The following NCF1 variants were observed in gnomAD, a reference collection of about 807,000 sequenced individuals.
NCF1 encodes neutrophil cytosol factor 1.
NCF1 carries 8 observed loss-of-function variants against 34.9 expected under a neutral mutation model. That is an observed-to-expected ratio of 0.23 (90% CI 0.13 to 0.41). The LOEUF is 0.41. NCF1 is among the 10% of genes least tolerant of loss of function. The probability of loss-of-function intolerance (pLI) is 1.00; values close to 1 mark genes in which losing one functional copy is unlikely to be tolerated. For missense variants in NCF1, 122 were observed against 362.4 expected, an observed-to-expected ratio of 0.34 and a Z score of 5.39; for synonymous variants, 57 against 146.3, an observed-to-expected ratio of 0.39 and a Z score of 4.41.
rs781849042 is a variant in NCF1, at chr7:74,783,145, C to G, written c.574+84C>G. On this transcript the variant is annotated intron_variant, in intron 6 of 10. Coordinates refer to ENST00000289473, the MANE Select transcript of NCF1 (RefSeq NM_000265.7). Reference sequence around the variant, plus strand: ...AGCCCCCTGCCAAGGCTCAGGCAGCCTTGCCCCTGGGAGGACTCCGGCTCT... The same window carrying G: ...AGCCCCCTGCCAAGGCTCAGGCAGCGTTGCCCCTGGGAGGACTCCGGCTCT... 63 of 1,578,996 alleles carry G rather than the reference C, an allele frequency of 4.0e-5. 1 individual carries two copies. The South Asian group carries it at 6.9e-4, about 17-fold the overall frequency.
chr7:74,776,992 G>A (rs1796480082), intron 1 of NCF1: 2 of 351,392 alleles, frequency 5.7e-6, no homozygotes, highest in Admixed American at 8.3e-5. Context: ...GATTCCAGGT[G>A]TGAGCCACCG....
intron 8 of NCF1, among the ~76,000 whole-genome samples, chr7:74,787,645 T>C (rs1428941925): frequency 6.6e-6 from 1 of 150,860 alleles, no homozygotes; most frequent in East Asian, 2.0e-4. Flanking sequence ...CTCCAACTCC[T>C]GGCCTCAAGC....
chr7:74,785,405 A>G, intron 8 of NCF1, 106 bp downstream of exon 8: 1 of 589,516 alleles, frequency 1.7e-6, no homozygotes. Flanking sequence ...TGGGTAAGCC[A>G]CTGCCCCTCT....
At chr7:74,788,372 C>G in intron 9 of NCF1, 187 bp from the exon 10 acceptor site, 1 of 437,324 alleles carries the variant, frequency 2.3e-6, no homozygotes, top group Non-Finnish European at 3.8e-6. Context: ...CGTGGAAAAC[C>G]GCCCAGGCTC....
intron 4 of NCF1, 119 bp downstream of exon 4, chr7:74,779,541 GC>G: frequency 1.1e-6 from 1 of 920,192 alleles, no homozygotes; most frequent in Non-Finnish European, 1.5e-6. Context: ...GAGCCACACA[GC>G]CAGAAAGAGG....
intron 5 of NCF1, chr7:74,781,662 A>G (rs1187985846): frequency 6.7e-6 from 1 of 148,876 alleles, no homozygotes; most frequent in African/African-American, 2.5e-5. Context: ...CCTCCCAAGT[A>G]GCTGGGATTA....
intron 6 of NCF1, chr7:74,783,308 C>T (rs782546882): frequency 5.2e-6 from 4 of 764,810 alleles, no homozygotes; most frequent in South Asian, 3.0e-5. Flanking sequence ...GGGTATGGGA[C>T]CGTCTGTTCA....
intron 10 of NCF1, among the ~76,000 whole-genome samples, 167 bp downstream of exon 10, chr7:74,788,871 C>T (rs1312816539): frequency 6.9e-6 from 1 of 144,710 alleles, no homozygotes; most frequent in Non-Finnish European, 1.5e-5. Flanking sequence ...CGCTAGGGGG[C>T]GGAGCGATCC....
intron 8 of NCF1, among the ~76,000 whole-genome samples, chr7:74,787,442 G>C (rs1796694220): frequency 6.6e-6 from 1 of 152,108 alleles, no homozygotes; most frequent in African/African-American, 2.4e-5. Flanking sequence ...CTCTGTCTTG[G>C]GGTTGGGCGG....
Position 74,783,061 on chromosome 7 carries a change from G to A in NCF1, c.574G>A (p.Gly192Ser), listed in dbSNP as rs119103273. 27 of 1,611,262 alleles carry A rather than the reference G, an allele frequency of 1.7e-5. No individual in the cohort carries two copies. The highest frequency in any genetic ancestry group is 3.3e-5 in the South Asian group (3 of 90,946). Reference sequence around the variant, plus strand: ...GGAGGTCGTAGAGAAGAGCGAGAGCGGTCAGACCTCCCACCTTACGGGGCT... The same window carrying A: ...GGAGGTCGTAGAGAAGAGCGAGAGCAGTCAGACCTCCCACCTTACGGGGCT... ...VVEVVEKSES[G>S]WWFCQMKAKR... Residue 192 changes from glycine (G) to serine (S), a missense_variant and splice_region_variant, in exon 6 of 11, where the codon GGT (glycine) becomes AGT (serine). Gly to Ser is a moderately conservative substitution (Grantham distance 56). Around this residue, in one of 9 missense-constraint regions of NCF1, gnomAD observed 57 missense variants for 89.3 expected, o/e 0.64. Coordinates refer to ENST00000289473, the MANE Select transcript of NCF1 (RefSeq NM_000265.7).
At chr7:74,787,030 T>C (rs1796686119) in intron 8 of NCF1, among the ~76,000 whole-genome samples, 1 of 145,044 alleles carries the variant, frequency 6.9e-6, no homozygotes, top group African/African-American at 2.5e-5. Flanking sequence ...TGGATTTCCA[T>C]ACTGGAAAAA....
At chr7:74,787,841 CTG>C in intron 8 of NCF1, 141 bp from the exon 9 acceptor site, 1 of 108,310 alleles carries the variant, frequency 9.2e-6, no homozygotes, top group Non-Finnish European at 1.8e-5. Context: ...GACCAGGAAA[CTG>C]AGGCCCACAG....
chr7:74,779,314 A>G lies in NCF1; in HGVS notation c.287A>G (p.Glu96Gly). The G allele has an allele frequency of 2.5e-6, 4 of 1,608,130 alleles. No homozygotes were observed. Among genetic ancestry groups the G allele is most frequent in the Non-Finnish European group, 3.4e-6 (4 of 1,178,970 alleles). Reference protein sequence around the residue: ...AAENRQGTLTEYCSTLMSLPT... With the variant: ...AAENRQGTLTGYCSTLMSLPT... The stretch of plus-strand genomic sequence containing the variant: ...GAGAACCGCCAGGGCACACTTACCG[A>G]GTACTGCAGCACGCTCATGAGCCTG... Residue 96 changes from glutamate (E) to glycine (G), a missense_variant, in exon 4 of 11, where the codon GAG (glutamate) becomes GGG (glycine). Glu to Gly is a moderately conservative substitution (Grantham distance 98). Transcript: ENST00000289473.
In NCF1 at chr7:74,777,332, G is replaced by A. The variant is rs1252865340; in HGVS notation, c.138G>A (p.Glu46=). ...SEKVVYRRFT[E]IYEFHKTLKE... is the part of the protein sequence containing the mutation. Reference sequence around the variant, plus strand: ...AGGTGGTCTACCGGCGCTTCACCGAGATCTACGAGTTCCATGTGAGTGTGG... The same window carrying A: ...AGGTGGTCTACCGGCGCTTCACCGAAATCTACGAGTTCCATGTGAGTGTGG... Residue 46 remains glutamate (E), a synonymous_variant, in exon 2 of 11, where the codon GAG becomes GAA. Transcript: ENST00000289473. 1.9e-6 allele frequency: 3 copies of A among 1,594,562 alleles called. No individual in the cohort carries two copies. Among genetic ancestry groups the A allele is most frequent in the Non-Finnish European group, 8.6e-7 (1 of 1,167,802 alleles).
At chr7:74,783,235 G>A in intron 6 of NCF1, 174 bp downstream of exon 6, 1 of 1,301,316 alleles carries the variant, frequency 7.7e-7, no homozygotes, top group South Asian at 1.3e-5. Flanking sequence ...GCACCCTGTG[G>A]TGGCTGTGGG....
At chr7:74,781,987 T>C (rs1584372090) in intron 5 of NCF1, among the ~76,000 whole-genome samples, 2 of 151,106 alleles carry the variant, frequency 1.3e-5, no homozygotes, top group African/African-American at 4.9e-5. Flanking sequence ...CTTCAACATA[T>C]GAATTTTGAG....
intron 7 of NCF1, 92 bp downstream of exon 7, chr7:74,783,724 G>C (rs1263225897): frequency 2.7e-6 from 4 of 1,506,702 alleles, no homozygotes; most frequent in African/African-American, 2.8e-5. Context: ...GTCTGGGCTG[G>C]TTGCTGGCTT....
chr7:74,782,951 C>T lies in NCF1; in HGVS notation c.464C>T (p.Pro155Leu). 1.2e-6 allele frequency: 2 copies of T among 1,610,774 alleles called. No individual in the cohort carries two copies. Among genetic ancestry groups the T allele is most frequent in the South Asian group, 2.2e-5 (2 of 90,838 alleles). ...GKSTATDITG[P>L]IILQTYRAIA... ...CCTCTTGCCCCAGACATCACCGGCC[C>T]CATCATCCTGCAGACGTACCGCGCC... The change falls in exon 6 of 11, where the codon CCC becomes CTC. Residue 155 changes from proline to leucine, a missense_variant. Around this residue, in one of 9 missense-constraint regions of NCF1, gnomAD observed 6 missense variants for 57.2 expected, o/e 0.10. Coordinates refer to ENST00000289473, the MANE Select transcript of NCF1 (RefSeq NM_000265.7).
intron 8 of NCF1, among the ~76,000 whole-genome samples, chr7:74,787,686 G>C (rs1482550140): frequency 2.7e-5 from 4 of 146,658 alleles, no homozygotes; most frequent in African/African-American, 1.0e-4. Context: ...TCAAAGTACT[G>C]GGATTACAGG....
Sources: allele counts gnomAD v4.1 joint callset (sites outside exome capture counted in the v4.1 genomes callset), GRCh38; gene constraint gnomAD v4.1.1; regional missense constraint gnomAD v4.1.1; transcripts MANE v1.5; gene names NCBI Gene and HGNC (gene_info 2026-07-23, HGNC 2026-07-21).